The following ZNF334 variants were observed in gnomAD, a reference collection of about 807,000 sequenced individuals.
ZNF334 encodes zinc finger protein 334.
ZNF334 carries 14 observed loss-of-function variants against 12.4 expected under a neutral mutation model. That is an observed-to-expected ratio of 1.13 (90% CI 0.74 to 1.76). The LOEUF is 1.76. ZNF334 is among the 40% of genes most tolerant of loss of function. The probability of loss-of-function intolerance (pLI) is 0.00; values close to 1 mark genes in which losing one functional copy is unlikely to be tolerated. For missense variants in ZNF334, 797 were observed against 804.5 expected, an observed-to-expected ratio of 0.99 and a Z score of 0.11; for synonymous variants, 273 against 269.6, an observed-to-expected ratio of 1.01 and a Z score of -0.12.
downstream of ZNF334, among the ~76,000 whole-genome samples, chr20:46,496,205 G>A (rs1389680957): frequency 1.3e-5 from 2 of 152,060 alleles, no homozygotes; most frequent in Non-Finnish European, 2.9e-5. Flanking sequence ...TCTCCATGAC[G>A]CACTAGCTGT....
chr20:46,501,328 A>G lies in ZNF334; in HGVS notation c.2011T>C (p.Phe671Leu). 1 of 1,611,340 alleles carries G rather than the reference A, an allele frequency of 6.2e-7. No homozygotes were observed. The highest frequency in any genetic ancestry group is 8.5e-7 in the Non-Finnish European group (1 of 1,178,276). Residue 671 changes from phenylalanine (F) to leucine (L), a missense_variant, in exon 5 of 5, where the codon TTT becomes CTT. Transcript: ENST00000692313. ...TTGTGGGATTTCTGATGTAAAAGAA[A>G]GTTTGATTTGTGGCGAAATGTTTTC... ...CEKTFRHKSN[F>L]LLHQKSHKE
chr20:46,463,067 C>T, the ZNF334 span, among the ~76,000 whole-genome samples: 2 of 152,086 alleles, frequency 1.3e-5, no homozygotes, highest in African/African-American at 2.4e-5. Context: ...GCCAACATGG[C>T]GAAACCCTGT....
chr20:46,478,818 G>A, the ZNF334 span, among the ~76,000 whole-genome samples: 5 of 152,182 alleles, frequency 3.3e-5, no homozygotes, highest in East Asian at 9.6e-4. Flanking sequence ...GCTGGCTTCT[G>A]TAGGGGCATT....
At chr20:46,480,343 A>G in the ZNF334 span, among the ~76,000 whole-genome samples, 1 of 152,034 alleles carries the variant, frequency 6.6e-6, no homozygotes, top group East Asian at 1.9e-4. Flanking sequence ...AGCAGCACAC[A>G]CTGGATTCCC....
the ZNF334 span, among the ~76,000 whole-genome samples, chr20:46,494,503 T>A: frequency 6.6e-6 from 1 of 152,166 alleles, no homozygotes; most frequent in African/African-American, 2.4e-5. Flanking sequence ...GACACATCAG[T>A]TTTATAGATC....
the ZNF334 span, chr20:46,464,701 C>CA: frequency 2.2e-6 from 1 of 459,420 alleles, no homozygotes; most frequent in African/African-American, 2.0e-5. Context: ...CTTGTTATCA[C>CA]AGCTGTTTGC....
At chr20:46,464,483 C>G in the ZNF334 span, 1 of 515,250 alleles carries the variant, frequency 1.9e-6, no homozygotes. Flanking sequence ...GCAGATCCCA[C>G]ACATCGTATC....
the ZNF334 span, among the ~76,000 whole-genome samples, chr20:46,487,992 T>C: frequency 6.6e-6 from 1 of 152,150 alleles, no homozygotes; most frequent in Non-Finnish European, 1.5e-5. Flanking sequence ...GCTGCTGGCA[T>C]CTAGGGTGTA....
At chr20:46,506,587 G>C in intron 2 of ZNF334, 1 of 369,878 alleles carries the variant, frequency 2.7e-6, no homozygotes, top group East Asian at 3.9e-5. Context: ...CTGTACTCCA[G>C]CAGCCTGGGT....
the ZNF334 span, among the ~76,000 whole-genome samples, chr20:46,490,038 T>C: frequency 6.6e-6 from 1 of 152,290 alleles, no homozygotes. Context: ...AAAAAAGTGC[T>C]AGAACTCATG....
chr20:46,496,140 T>C (rs947706794), downstream of ZNF334, among the ~76,000 whole-genome samples: 2 of 152,112 alleles, frequency 1.3e-5, no homozygotes, highest in South Asian at 2.1e-4. Context: ...ACCCAGAAAT[T>C]GTTCACCTAT....
the ZNF334 span, among the ~76,000 whole-genome samples, chr20:46,481,719 G>C: frequency 6.6e-6 from 1 of 152,130 alleles, no homozygotes; most frequent in Non-Finnish European, 1.5e-5. Context: ...AAGGGCACTC[G>C]TCCTGACAGA....
the ZNF334 span, among the ~76,000 whole-genome samples, chr20:46,489,275 C>G: frequency 1.3e-5 from 2 of 152,070 alleles, no homozygotes; most frequent in Non-Finnish European, 2.9e-5. Context: ...TTTATATATT[C>G]TATTTCTCCA....
At chr20:46,464,722 A>C in the ZNF334 span, 3 of 470,594 alleles carry the variant, frequency 6.4e-6, no homozygotes, top group Non-Finnish European at 1.3e-5. Flanking sequence ...TCTTTCTCTG[A>C]TTCTCCCTTG....
the ZNF334 span, among the ~76,000 whole-genome samples, chr20:46,493,183 T>C: frequency 6.6e-6 from 1 of 152,190 alleles, no homozygotes; most frequent in Non-Finnish European, 1.5e-5. Flanking sequence ...AAGAGGCAGC[T>C]AGAAGGCTAC....
chr20:46,468,357 C>A, the ZNF334 span, among the ~76,000 whole-genome samples: 1 of 151,820 alleles, frequency 6.6e-6, no homozygotes, highest in Non-Finnish European at 1.5e-5. Flanking sequence ...CTCACTGCAA[C>A]CTCAACCCCC....
chr20:46,488,415 T>TA, the ZNF334 span, among the ~76,000 whole-genome samples: 166 of 81,004 alleles, frequency 2.0e-3, 2 homozygotes, highest in African/African-American at 0.011. Context: ...CTGTAGCTCT[T>TA]ATTTTATATA....
At chr20:46,464,302 G>A in the ZNF334 span, 1 of 552,282 alleles carries the variant, frequency 1.8e-6, no homozygotes, top group Non-Finnish European at 3.6e-6. Context: ...CACTGGGAAT[G>A]ACAAAGTTAG....
Position 46,501,254 on chromosome 20 carries a change from T to C in ZNF334, c.*42A>G, listed in dbSNP as rs1372076530. The C allele has an allele frequency of 3.2e-6, 5 of 1,576,358 alleles. No homozygotes were observed. The East Asian group carries it at 6.7e-5, about 21-fold the overall frequency. On this transcript the variant is annotated 3_prime_UTR_variant, in exon 5 of 5. Transcript: ENST00000692313. ...TCACAGTTTAGCATTGTGTAAGTTATTTGATTTGTTGCTTTGTTGGAATTT... is the reference window on the plus strand; with the variant it reads ...TCACAGTTTAGCATTGTGTAAGTTACTTGATTTGTTGCTTTGTTGGAATTT...
Sources: gnomAD v4.1 joint callset for allele counts (sites outside exome capture counted in the v4.1 genomes callset) on GRCh38, gnomAD v4.1.1 for gene constraint, MANE v1.5 for transcripts, NCBI Gene and HGNC (gene_info 2026-07-23, HGNC 2026-07-21) for gene names.